CUL2: variants seen among roughly 807,000 people sequenced by gnomAD.
CUL2 encodes cullin-2.
CUL2 carries 22 observed loss-of-function variants against 110.2 expected under a neutral mutation model. The ratio of observed to expected loss-of-function variants is 0.20; its 90% CI spans 0.14 to 0.28. CUL2 has a LOEUF of 0.28. Ranked by LOEUF, CUL2 falls within the 10% of genes least tolerant of loss-of-function variation. CUL2 has a pLI of 1.00. For synonymous variants in CUL2, 279 were observed against 293.2 expected (o/e 0.95, Z 0.49); for missense variants, 631 against 905.5 (o/e 0.70, Z 3.89).
chr10:35,013,935 C>A, intron 18 of CUL2, 135 bp from the exon 19 acceptor site: 1 of 554,340 alleles, frequency 1.8e-6, no homozygotes, highest in Non-Finnish European at 2.8e-6. Context: ...TATAGATTAC[C>A]AAATTTAAGA....
intron 1 of CUL2, among the ~76,000 whole-genome samples, chr10:35,072,277 A>G (rs2086700050): frequency 6.6e-6 from 1 of 152,032 alleles, no homozygotes; most frequent in Non-Finnish European, 1.5e-5. Flanking sequence ...GGAGAGCTTA[A>G]GGCTCCTTCC....
intron 1 of CUL2, among the ~76,000 whole-genome samples, chr10:35,105,420 C>A (rs1333337867): frequency 7.1e-6 from 1 of 140,184 alleles, no homozygotes; most frequent in African/African-American, 2.7e-5. Flanking sequence ...GGAGAGACAC[C>A]GTTTCAAAAA....
chr10:35,014,660 C>G (rs1273168067), intron 18 of CUL2, among the ~76,000 whole-genome samples: 1 of 151,684 alleles, frequency 6.6e-6, no homozygotes, highest in African/African-American at 2.4e-5. Context: ...AAGCAAAACC[C>G]GGTCTCTACT....
At chr10:35,098,806 C>T (rs1009719568) in intron 2 of CUL2, among the ~76,000 whole-genome samples, 3 of 151,954 alleles carry the variant, frequency 2.0e-5, no homozygotes, top group Admixed American at 6.6e-5. Flanking sequence ...CGGTGGCAGG[C>T]GCCTGTAATC....
intron 16 of CUL2, among the ~76,000 whole-genome samples, chr10:35,028,389 C>T (rs3780888): frequency 0.14 from 21,603 of 152,150 alleles, 1,858 homozygotes; most frequent in East Asian, 0.24. Context: ...CTAGCAGTTA[C>T]TTCACATATA....
intron 7 of CUL2, 27 bp from the exon 8 acceptor site, chr10:35,044,703 G>GA: frequency 3.2e-6 from 5 of 1,583,110 alleles, no homozygotes; most frequent in Non-Finnish European, 4.3e-6. Context: ...CATCATATTA[G>GA]AAGAAATTAG....
chr10:35,096,891 C>A (rs965642690), intron 2 of CUL2, among the ~76,000 whole-genome samples: 9 of 151,288 alleles, frequency 5.9e-5, no homozygotes, highest in Non-Finnish European at 1.3e-4. Flanking sequence ...CTCACTGCAA[C>A]CTCTGCCTCC....
At chr10:35,033,753 CAACAAAAA>C (rs1564708916) in intron 10 of CUL2, among the ~76,000 whole-genome samples, 1 of 50,878 alleles carries the variant, frequency 2.0e-5, no homozygotes, top group African/African-American at 7.1e-5. Flanking sequence ...ACAACAACAA[CAACAAAAA>C]AAAAAAAAAA....
chr10:35,083,373 G>A (rs2086987853), intron 1 of CUL2, among the ~76,000 whole-genome samples: 1 of 152,118 alleles, frequency 6.6e-6, no homozygotes, highest in South Asian at 2.1e-4. Context: ...GTGTATGCAT[G>A]GTTGAATATA....
chr10:35,077,812 C>T (rs1169366762), intron 1 of CUL2, among the ~76,000 whole-genome samples: 1 of 140,534 alleles, frequency 7.1e-6, no homozygotes, highest in African/African-American at 2.6e-5. Flanking sequence ...AGTGAAACTC[C>T]GTCTCAAAAA....
At chr10:35,066,127 TTA>T (rs1251176121) in intron 2 of CUL2, among the ~76,000 whole-genome samples, 1 of 152,228 alleles carries the variant, frequency 6.6e-6, no homozygotes, top group Admixed American at 6.5e-5. Flanking sequence ...TACGCTTGGC[TTA>T]ATTTTGAGTT....
At chr10:35,024,397 G>A (rs2085286523) in intron 17 of CUL2, among the ~76,000 whole-genome samples, 1 of 152,070 alleles carries the variant, frequency 6.6e-6, no homozygotes, top group African/African-American at 2.4e-5. Context: ...TAAAGGTTAT[G>A]GCAAATGATT....
intron 8 of CUL2, 78 bp from the exon 9 acceptor site, chr10:35,039,160 A>G (rs11010077): frequency 0.35 from 305,562 of 867,558 alleles, 55,214 homozygotes; most frequent in African/African-American, 0.42. Context: ...CAAGTAACTC[A>G]GCCAAATTTT....
intron 1 of CUL2, among the ~76,000 whole-genome samples, chr10:35,108,693 T>G (rs374581051): frequency 6.6e-6 from 1 of 152,136 alleles, no homozygotes; most frequent in East Asian, 1.9e-4. Context: ...TTTTTCAGGG[T>G]TTCTCATGAG....
chr10:35,045,562 C>A (rs797009321), intron 6 of CUL2, among the ~76,000 whole-genome samples: 124 of 115,162 alleles, frequency 1.1e-3, no homozygotes, highest in African/African-American at 3.2e-3. Context: ...AAAAAAAAAA[C>A]AACTTAGCTG....
chr10:35,118,459 C>T (rs963916152), intron 1 of CUL2: 1 of 152,178 alleles, frequency 6.6e-6, no homozygotes, highest in African/African-American at 2.4e-5. Flanking sequence ...TATATTCAAC[C>T]CATCCATTGA....
chr10:35,114,442 G>A (rs557704242), intron 1 of CUL2, among the ~76,000 whole-genome samples: 14 of 151,816 alleles, frequency 9.2e-5, no homozygotes, highest in African/African-American at 3.4e-4. Flanking sequence ...GAGTGCTATG[G>A]CACAATCTTA....
At chr10:35,104,918 G>A (rs549567309) in intron 1 of CUL2, among the ~76,000 whole-genome samples, 1 of 151,606 alleles carries the variant, frequency 6.6e-6, no homozygotes, top group Non-Finnish European at 1.5e-5. Flanking sequence ...AAGTAGAAAC[G>A]GAGTTTCTCC....
At chr10:35,077,199 T>C (rs2086840571) in intron 1 of CUL2, among the ~76,000 whole-genome samples, 1 of 151,716 alleles carries the variant, frequency 6.6e-6, no homozygotes, top group Admixed American at 6.6e-5. Flanking sequence ...CACTATCACA[T>C]GGATGACCCT....
Sources: allele counts gnomAD v4.1 joint callset (sites outside exome capture counted in the v4.1 genomes callset), GRCh38; gene constraint gnomAD v4.1.1; transcripts MANE v1.5; gene names NCBI Gene and HGNC (gene_info 2026-07-23, HGNC 2026-07-21).